Variants in GLP1R observed in about 807,000 individuals in gnomAD.
The protein encoded by GLP1R is glucagon like peptide 1 receptor.
A neutral mutation model predicts 68.4 loss-of-function variants in GLP1R; 32 were observed. The ratio of observed to expected loss-of-function variants is 0.47; its 90% CI spans 0.35 to 0.63. The LOEUF is 0.63. Among genes scored for constraint, GLP1R ranks in the 20% least tolerant of loss-of-function variants. GLP1R has a pLI of 0.00. For synonymous variants in GLP1R, 263 were observed against 244.4 expected, an observed-to-expected ratio of 1.08 and a Z score of -0.71; for missense variants, 502 against 594.9, an observed-to-expected ratio of 0.84 and a Z score of 1.62.
chr6:39,056,269 C>G, intron 1 of GLP1R, 128 bp from the exon 2 acceptor site: 1 of 578,636 alleles, frequency 1.7e-6, no homozygotes, highest in East Asian at 2.9e-5. Flanking sequence ...TCAGAGGTGG[C>G]TGATGCCTGG....
In GLP1R at chr6:39,057,582, G is replaced by A. The variant is rs367569025; in HGVS notation, c.283+3G>A. The A allele has an allele frequency of 6.4e-6, 10 of 1,569,224 alleles. No homozygotes were observed. Among genetic ancestry groups the A allele is most frequent in the East Asian group, 2.3e-5 (1 of 43,862 alleles). Reference sequence around the variant, plus strand: ...GTACCTGCCCTGGGCCAGCAGTGGTGAGCCCCCTCCCCGACCTGGTACCTG... The same window carrying A: ...GTACCTGCCCTGGGCCAGCAGTGGTAAGCCCCCTCCCCGACCTGGTACCTG... On this transcript the variant is annotated splice_donor_region_variant and intron_variant, in intron 3 of 12. Transcript: ENST00000373256.
chr6:39,049,053 G>T lies in GLP1R; in HGVS notation c.78+135G>T. On this transcript the variant is annotated intron_variant, in intron 1 of 12. Coordinates refer to ENST00000373256, the MANE Select transcript of GLP1R (RefSeq NM_002062.5). The surrounding 1 kb of genome is among the most constrained non-coding windows in gnomAD (Gnocchi z 4.5). The stretch of plus-strand genomic sequence containing the variant: ...TGGCGGGGGCATCCGAAAGCCTCGG[G>T]GGGAGTAGGGACTGGAGACTTGGTG... 6.2e-6 allele frequency: 3 copies of T among 484,392 alleles called. No homozygotes were observed. In the East Asian group the frequency reaches 1.1e-4, roughly 17 times the overall value. 30.0% of individuals were successfully genotyped at this position (484,392 alleles called of 1,614,324 possible). A position where few individuals can be genotyped will look rare whatever the true frequency, so the allele number is the denominator to read the frequency against.
In GLP1R at chr6:39,089,245, G is replaced by C. The variant is rs1171076866; in HGVS notation, c.*3172G>C. On this transcript the variant is annotated 3_prime_UTR_variant, in exon 13 of 13. Coordinates refer to ENST00000373256, the MANE Select transcript of GLP1R (RefSeq NM_002062.5). This position sits in a 1 kb window ranked among gnomAD's most constrained non-coding sequence, Gnocchi z 4.1. ...ATAGAAACAGCACATAAGCCATTTT[G>C]GATGGCAATTCCAGCACTCTTTTAA... is the stretch of plus-strand genomic sequence containing the variant. Among the ~76,000 whole-genome samples, 1 of 152,162 alleles carries C rather than the reference G, an allele frequency of 6.6e-6. No homozygotes were observed. Among genetic ancestry groups the C allele is most frequent in the Non-Finnish European group, 1.5e-5 (1 of 68,034 alleles).
At position 39,087,960 on chromosome 6, in the gene GLP1R, G is replaced by A. The variant is rs1445176219; in HGVS notation, c.*1887G>A. 6.6e-6 allele frequency among the ~76,000 whole-genome samples: 1 copy of A among 152,194 alleles called. No individual in the cohort carries two copies. Among genetic ancestry groups the A allele is most frequent in the Non-Finnish European group, 1.5e-5 (1 of 68,032 alleles). Reference sequence around the variant, plus strand: ...GATGTGGGAAACAGTGCTGGTGCAAGTGTTTAAGTTTTGGATAAACTGAGG... The same window carrying A: ...GATGTGGGAAACAGTGCTGGTGCAAATGTTTAAGTTTTGGATAAACTGAGG... On this transcript the variant is annotated 3_prime_UTR_variant, in exon 13 of 13. Transcript: ENST00000373256.
rs114849664 is a variant in GLP1R at position 39,075,266 on chromosome 6, G to A, written c.823+1497G>A. Reference sequence around the variant, plus strand: ...GTCCCTTCCTTGGCCTTTTCTCCCCGAGGCTTCTTCCTCCTGCTAGAGCAG... The same window carrying A: ...GTCCCTTCCTTGGCCTTTTCTCCCCAAGGCTTCTTCCTCCTGCTAGAGCAG... On this transcript the variant is annotated intron_variant, in intron 7 of 12. Coordinates refer to ENST00000373256, the MANE Select transcript of GLP1R (RefSeq NM_002062.5). Among the ~76,000 whole-genome samples, 614 of 152,286 alleles carry A rather than the reference G, an allele frequency of 4.0e-3. 2 individuals are homozygous for A. Among genetic ancestry groups the A allele is most frequent in the African/African-American group, 0.014 (580 of 41,568 alleles).
chr6:39,082,935 C>G (rs763059144), intron 12 of GLP1R, among the ~76,000 whole-genome samples: 1 of 152,144 alleles, frequency 6.6e-6, no homozygotes, highest in Non-Finnish European at 1.5e-5. Context: ...TGGCTTCCCC[C>G]CCGCCATTGT....
At chr6:39,055,238 G>C (rs1475098405) in intron 1 of GLP1R, among the ~76,000 whole-genome samples, 1 of 152,196 alleles carries the variant, frequency 6.6e-6, no homozygotes, top group Non-Finnish European at 1.5e-5. Flanking sequence ...CTAAAAAGAA[G>C]CTATTTTAAT....
At chr6:39,085,260 G>A (rs1769114349) in intron 12 of GLP1R, among the ~76,000 whole-genome samples, 1 of 152,204 alleles carries the variant, frequency 6.6e-6, no homozygotes, top group Admixed American at 6.5e-5. Context: ...AGCACAACAG[G>A]GATCCTGGCT....
intron 1 of GLP1R, among the ~76,000 whole-genome samples, chr6:39,053,713 AC>A (rs1268891208): frequency 6.6e-6 from 1 of 152,052 alleles, no homozygotes; most frequent in Non-Finnish European, 1.5e-5. Flanking sequence ...TCGGTTGCAA[AC>A]CTAATATCTG....
In GLP1R at chr6:39,049,750, C is replaced by T. The variant is rs1039498907; in HGVS notation, c.78+832C>T. Among the ~76,000 whole-genome samples, 4 of 152,212 alleles carry T rather than the reference C, an allele frequency of 2.6e-5. No individual in the cohort carries two copies. The highest frequency in any genetic ancestry group is 7.2e-5 in the African/African-American group (3 of 41,452). ...ACAGGTGGACCACCGCAGCCCCTCT[C>T]TCTTGCCCTTGTTGCTTTTCCTGCC... On this transcript the variant is annotated intron_variant, in intron 1 of 12. Coordinates refer to ENST00000373256, the MANE Select transcript of GLP1R (RefSeq NM_002062.5). This position sits in a 1 kb window ranked among gnomAD's most constrained non-coding sequence, Gnocchi z 4.5.
Position 39,088,120 on chromosome 6 carries a change from A to C in GLP1R, c.*2047A>C, listed in dbSNP as rs757456290. The stretch of plus-strand genomic sequence containing the variant: ...GGCACCTGGGAAGCTCAAATCATTT[A>C]GTTTAAACTGTAAGTAGAGTTGTCT... On this transcript the variant is annotated 3_prime_UTR_variant, in exon 13 of 13. Transcript: ENST00000373256. 5.3e-5 allele frequency among the ~76,000 whole-genome samples: 8 copies of C among 152,164 alleles called. No individual in the cohort carries two copies. The highest frequency in any genetic ancestry group is 7.4e-5 in the Non-Finnish European group (5 of 68,024).
At chr6:39,081,648 G>A (rs758373450) in intron 12 of GLP1R, among the ~76,000 whole-genome samples, 1 of 152,162 alleles carries the variant, frequency 6.6e-6, no homozygotes, top group East Asian at 1.9e-4. Flanking sequence ...TATGGGTGTG[G>A]GGGATGCAGA....
At chr6:39,066,153 G>T in intron 4 of GLP1R, 44 bp from the exon 5 acceptor site, 1 of 1,097,098 alleles carries the variant, frequency 9.1e-7, no homozygotes, top group East Asian at 2.4e-5. Context: ...TGGGAAGAGG[G>T]CCATGGGCTG....
intron 8 of GLP1R, 133 bp downstream of exon 8, chr6:39,078,515 A>T: frequency 1.4e-6 from 1 of 726,028 alleles, no homozygotes; most frequent in East Asian, 2.5e-5. Context: ...AGGTGAATTT[A>T]GTTCTCTAAT....
chr6:39,083,976 T>G (rs1366284882), intron 12 of GLP1R, among the ~76,000 whole-genome samples: 2 of 152,176 alleles, frequency 1.3e-5, no homozygotes, highest in African/African-American at 4.8e-5. Context: ...ACCTGCTGTA[T>G]GCTGGGCACT....
At chr6:39,082,851 C>T (rs973252145) in intron 12 of GLP1R, among the ~76,000 whole-genome samples, 1 of 151,926 alleles carries the variant, frequency 6.6e-6, no homozygotes, top group Non-Finnish European at 1.5e-5. Context: ...CATCTTGACC[C>T]CCCCACGTCC....
At chr6:39,074,833 C>T (rs977079614) in intron 7 of GLP1R, among the ~76,000 whole-genome samples, 12 of 152,216 alleles carry the variant, frequency 7.9e-5, no homozygotes, top group Admixed American at 7.2e-4. Context: ...CCTCAGGCCA[C>T]CAGTCCTCGT....
intron 5 of GLP1R, 151 bp downstream of exon 5, chr6:39,066,454 A>G (rs1768521355): frequency 1.7e-6 from 1 of 583,164 alleles, no homozygotes; most frequent in Non-Finnish European, 3.1e-6. Flanking sequence ...GTAGAATATG[A>G]GGTTGAAAAC....
chr6:39,067,705 A>G (rs1433206753), intron 5 of GLP1R, among the ~76,000 whole-genome samples: 2 of 152,234 alleles, frequency 1.3e-5, no homozygotes, highest in Non-Finnish European at 2.9e-5. Flanking sequence ...TACAAAATAC[A>G]TTCATTTAAT....
Sources: gnomAD v4.1 joint callset for allele counts (sites outside exome capture counted in the v4.1 genomes callset) on GRCh38, gnomAD v4.1.1 for gene constraint, Gnocchi (gnomAD v3.1) non-coding constraint, MANE v1.5 for transcripts, NCBI Gene and HGNC (gene_info 2026-07-23, HGNC 2026-07-21) for gene names.